Variants in MXRA5 observed in about 807,000 individuals in gnomAD.
MXRA5 encodes matrix-remodeling-associated protein 5.
MXRA5 carries 41 observed loss-of-function variants against 112.5 expected under a neutral mutation model. The observed-to-expected ratio is 0.36, with a 90% CI of 0.28 to 0.47. The LOEUF is 0.47. MXRA5 is among the 20% of genes least tolerant of loss of function. The probability of loss-of-function intolerance (pLI) is 0.99; values close to 1 mark genes in which losing one functional copy is unlikely to be tolerated. For missense variants in MXRA5, 2,150 were observed against 2,251.0 expected (o/e 0.96, Z 0.91); for synonymous variants, 862 against 900.8 (o/e 0.96, Z 0.77).
chrX:3,317,241 C>A lies in MXRA5; in HGVS notation c.6440G>T (p.Arg2147Leu), dbSNP rs199912992. 65 of 1,209,828 alleles carry A rather than the reference C, an allele frequency of 5.4e-5. 1 individual carries two copies. Among genetic ancestry groups the A allele is most frequent in the Non-Finnish European group, 7.0e-5 (63 of 895,041 alleles). Reference protein sequence around the residue: ...LNVQRAAANARITGTSPRRTD... With the variant: ...LNVQRAAANALITGTSPRRTD... Reference sequence around the variant, plus strand: ...CCTCCGCGGGGAGGTGCCCGTGATGCGCGCGTTGGCTGCTGCACGCTGCAC... The same window carrying A: ...CCTCCGCGGGGAGGTGCCCGTGATGAGCGCGTTGGCTGCTGCACGCTGCAC... The change falls in exon 6 of 7, where the codon CGC (arginine) becomes CTC (leucine). Residue 2147 changes from arginine to leucine, a missense_variant. Arg to Leu is a moderately radical substitution (Grantham distance 102). This residue lies in a region of MXRA5 where 1,485 missense variants were observed against 1,471.6 expected (regional missense o/e 1.01). Coordinates refer to ENST00000217939, the MANE Select transcript of MXRA5 (RefSeq NM_015419.4).
chrX:3,335,221 G>C (rs1409588471), intron 2 of MXRA5, among the ~76,000 whole-genome samples: 12 of 110,741 alleles, frequency 1.1e-4, no homozygotes, highest in Admixed American at 1.9e-4. Flanking sequence ...ATTTGAGATA[G>C]AGTCTCCCTC....
At chrX:3,342,301 G>T (rs1294622662) in intron 2 of MXRA5, among the ~76,000 whole-genome samples, 2 of 110,868 alleles carry the variant, frequency 1.8e-5, no homozygotes, top group Non-Finnish European at 3.8e-5. Flanking sequence ...CAAACCACCA[G>T]GGCACACATA....
chrX:3,325,643 T>C (rs1921441252), intron 4 of MXRA5, among the ~76,000 whole-genome samples: 1 of 103,625 alleles, frequency 9.7e-6, no homozygotes, highest in African/African-American at 3.4e-5. Flanking sequence ...TCAATGTATA[T>C]TTATATCTAA....
intron 6 of MXRA5, among the ~76,000 whole-genome samples, chrX:3,316,548 G>A (rs1424719080): frequency 0.057 from 7 of 122 alleles, no homozygotes; most frequent in Admixed American, 0.29. Flanking sequence ...CACACCTGTA[G>A]TCCCAGCTAC....
intron 2 of MXRA5, among the ~76,000 whole-genome samples, chrX:3,332,411 A>G (rs1921687149): frequency 9.3e-6 from 1 of 107,152 alleles, no homozygotes; most frequent in Admixed American, 9.9e-5. Context: ...CGCCCGGCTA[A>G]TTTTTTGTAT....
intron 2 of MXRA5, among the ~76,000 whole-genome samples, chrX:3,342,153 C>T (rs781279215): frequency 4.3e-4 from 48 of 110,380 alleles, no homozygotes; most frequent in Non-Finnish European, 6.1e-4. Context: ...GAAAACCAAA[C>T]GCTGCATGTT....
chrX:3,318,064 C>CGTTT, intron 5 of MXRA5, 61 bp from the exon 6 acceptor site: 1 of 950,344 alleles, frequency 1.1e-6, no homozygotes, highest in Non-Finnish European at 1.4e-6. Flanking sequence ...AATGCTCAAA[C>CGTTT]GAGCAGTATT....
At position 3,320,351 on chromosome X, in the gene MXRA5, G is replaced by A. The variant is rs1603467934; in HGVS notation, c.5334C>T (p.Phe1778=). The change falls in exon 5 of 7, where the codon TTC becomes TTT. Residue 1778 remains phenylalanine, a synonymous_variant. Transcript: ENST00000217939. ...SYNRIHSHST[F]HLDFGPPAPP... is the part of the protein sequence containing the mutation. Reference sequence around the variant, plus strand: ...GTGCCGGAGGGCCAAAGTCCAGATGGAAGGTGCTATGGGAATGTATCCTGT... The same window carrying A: ...GTGCCGGAGGGCCAAAGTCCAGATGAAAGGTGCTATGGGAATGTATCCTGT... The A allele has an allele frequency of 8.3e-7, 1 of 1,210,363 alleles. No homozygotes were observed. Among genetic ancestry groups the A allele is most frequent in the Non-Finnish European group, 1.1e-6 (1 of 895,231 alleles).
intron 2 of MXRA5, among the ~76,000 whole-genome samples, chrX:3,334,175 T>A (rs1434069964): frequency 9.0e-6 from 1 of 111,031 alleles, no homozygotes; most frequent in African/African-American, 3.3e-5. Context: ...AGAGATGGGG[T>A]TTCACCATGT....
At chrX:3,334,277 C>T (rs1921736241) in intron 2 of MXRA5, among the ~76,000 whole-genome samples, 1 of 112,077 alleles carries the variant, frequency 8.9e-6, no homozygotes, top group African/African-American at 3.2e-5. Flanking sequence ...CCACCACACC[C>T]TCTAGGCCTC....
intron 1 of MXRA5, among the ~76,000 whole-genome samples, chrX:3,344,107 T>A (rs1307628212): frequency 3.7e-5 from 4 of 109,098 alleles, no homozygotes; most frequent in Non-Finnish European, 7.6e-5. Flanking sequence ...ATACTATGAT[T>A]TGGAAATCTA....
intron 5 of MXRA5, among the ~76,000 whole-genome samples, chrX:3,318,292 G>C (rs1411107861): frequency 9.0e-6 from 1 of 111,056 alleles, no homozygotes; most frequent in African/African-American, 3.3e-5. Context: ...ACAGGTGCAG[G>C]CCACCACTCC....
intron 2 of MXRA5, among the ~76,000 whole-genome samples, chrX:3,340,007 G>T (rs764208241): frequency 9.0e-6 from 1 of 111,489 alleles, no homozygotes; most frequent in South Asian, 3.8e-4. Context: ...TATGGGCATT[G>T]TTGAAGTTGC....
In MXRA5 at chrX:3,321,187, G is replaced by A; in HGVS notation, c.4498C>T (p.Leu1500Phe). The part of the protein sequence containing the change: ...EPASSSPSTI[L>F]MSLGQTTTTK... ...GTGGTGGTTTGTCCCAAAGACATGAGAATTGTGGATGGGGACGAGGATGCT... is the reference window on the plus strand; with the variant it reads ...GTGGTGGTTTGTCCCAAAGACATGAAAATTGTGGATGGGGACGAGGATGCT... The change falls in exon 5 of 7, where the codon CTC becomes TTC. Residue 1500 changes from leucine to phenylalanine, a missense_variant. Leu to Phe is a conservative substitution (Grantham distance 22, BLOSUM62 0). Around this residue, in one of 6 missense-constraint regions of MXRA5, gnomAD observed 1,485 missense variants for 1,471.6 expected, o/e 1.01. Transcript: ENST00000217939. 1 of 1,211,801 alleles carries A rather than the reference G, an allele frequency of 8.3e-7. No individual in the cohort carries two copies. Among genetic ancestry groups the A allele is most frequent in the Non-Finnish European group, 1.1e-6 (1 of 895,373 alleles).
At chrX:3,329,587 A>G (rs1185101685) in intron 4 of MXRA5, among the ~76,000 whole-genome samples, 2 of 96,616 alleles carry the variant, frequency 2.1e-5, no homozygotes, top group Non-Finnish European at 4.4e-5. Context: ...CCGTGTCCGT[A>G]AAATAATGAC....
chrX:3,328,489 G>C (rs1435534385), intron 4 of MXRA5, among the ~76,000 whole-genome samples: 1 of 111,459 alleles, frequency 9.0e-6, no homozygotes, highest in Non-Finnish European at 1.9e-5. Flanking sequence ...ATGGAAATCA[G>C]TTACGCAGAG....
chrX:3,311,155 T>C lies in MXRA5; in HGVS notation c.7048A>G (p.Asn2350Asp), dbSNP rs1206084490. The stretch of plus-strand genomic sequence containing the variant: ...ACCTGAACCGCCAAGTAAGTCTTGT[T>C]CCGGATGGTGGCGGGCGCTGTCACC... ...KVVTAPATIR[N>D]KTYLAVQVPY... Residue 2350 changes from asparagine (N) to aspartate (D), a missense_variant, in exon 7 of 7, where the codon AAC becomes GAC. Around this residue, in one of 6 missense-constraint regions of MXRA5, gnomAD observed 1,485 missense variants for 1,471.6 expected, o/e 1.01. Coordinates refer to ENST00000217939, the MANE Select transcript of MXRA5 (RefSeq NM_015419.4). The C allele has an allele frequency of 3.3e-6, 4 of 1,209,697 alleles. No homozygotes were observed. The South Asian group carries it at 5.3e-5, about 16-fold the overall frequency.
intron 2 of MXRA5, among the ~76,000 whole-genome samples, chrX:3,334,174 G>T (rs1293255625): frequency 1.8e-5 from 2 of 111,133 alleles, no homozygotes; most frequent in Admixed American, 9.6e-5. Flanking sequence ...TAGAGATGGG[G>T]TTTCACCATG....
chrX:3,343,819 C>G lies in MXRA5; in HGVS notation c.15G>C (p.Ala5=). The G allele has an allele frequency of 8.3e-7, 1 of 1,204,440 alleles. No individual in the cohort carries two copies. Among genetic ancestry groups the G allele is most frequent in the Non-Finnish European group, 1.1e-6 (1 of 890,624 alleles). Residue 5 remains alanine (A), a synonymous_variant, in exon 2 of 7, where the codon GCG becomes GCC. Coordinates refer to ENST00000217939, the MANE Select transcript of MXRA5 (RefSeq NM_015419.4). The part of the protein sequence containing the change: MPKR[A]HWGALSVVLI... ...GCACCACGGAGAGGGCCCCCCAGTG[C>G]GCGCGCTTGGGCATCTTGTCGGGGT...
Sources: gnomAD v4.1 joint callset for allele counts (sites outside exome capture counted in the v4.1 genomes callset) on GRCh38, gnomAD v4.1.1 for gene constraint, gnomAD v4.1.1 regional missense constraint, MANE v1.5 for transcripts, NCBI Gene and HGNC (gene_info 2026-07-23, HGNC 2026-07-21) for gene names.